TYW5: variants seen among roughly 807,000 people sequenced by gnomAD.
The protein encoded by TYW5 is tRNA-yW synthesizing protein 5.
In TYW5, 36 loss-of-function variants were observed where a neutral mutation model predicts 44.4. The ratio of observed to expected loss-of-function variants is 0.81; its 90% confidence interval spans 0.62 to 1.07. The LOEUF is 1.07. Among genes scored for constraint, TYW5 ranks in the 50% least tolerant of loss-of-function variants. The pLI is 0.00. For synonymous variants in TYW5, 121 were observed against 128.1 expected (o/e 0.94, Z 0.37); for missense variants, 354 against 365.7 (o/e 0.97, Z 0.26).
chr2:199,931,073 C>T lies in TYW5; in HGVS notation c.*1994G>A, dbSNP rs1357510282. On this transcript the variant is annotated 3_prime_UTR_variant, in exon 8 of 8. Coordinates refer to ENST00000354611, the MANE Select transcript of TYW5 (RefSeq NM_001039693.3). Reference sequence around the variant, plus strand: ...GACCAGGGAAATAATTTTAAAACATCCCAAAGGAAAGTTCTCTAACTTTTA... The same window carrying T: ...GACCAGGGAAATAATTTTAAAACATTCCAAAGGAAAGTTCTCTAACTTTTA... 6.6e-6 allele frequency: 1 copy of T among 152,030 alleles called. No individual in the cohort carries two copies. The highest frequency in any genetic ancestry group is 6.6e-5 in the Admixed American group (1 of 15,254). The allele number at this position is 152,030 out of a possible 1,614,324, so 9.4% of individuals were successfully genotyped here. A position where few individuals can be genotyped will look rare whatever the true frequency, so the allele number is the denominator to read the frequency against.
At chr2:199,940,058 T>C in intron 4 of TYW5, 31 bp downstream of exon 4, 1 of 1,600,960 alleles carries the variant, frequency 6.2e-7, no homozygotes, top group Non-Finnish European at 8.5e-7. Context: ...ATTTAGATTT[T>C]AGGGAATTGT....
intron 3 of TYW5, 84 bp from the exon 4 acceptor site, chr2:199,940,217 T>C: frequency 8.3e-7 from 1 of 1,201,454 alleles, no homozygotes; most frequent in Non-Finnish European, 1.2e-6. Context: ...AGCTATCATG[T>C]ATTCATAATA....
At chr2:199,950,676 G>A (rs909669622) in intron 1 of TYW5, among the ~76,000 whole-genome samples, 3 of 152,106 alleles carry the variant, frequency 2.0e-5, no homozygotes, top group South Asian at 2.1e-4. Flanking sequence ...GTGCACGTGC[G>A]CGTGCCCTGA....
At chr2:199,945,267 A>G (rs2077495362) in intron 2 of TYW5, 1 of 152,184 alleles carries the variant, frequency 6.6e-6, no homozygotes, top group Non-Finnish European at 1.5e-5. Flanking sequence ...CTGGATTTGT[A>G]TAAAGACTCC....
rs928555125 is a variant in TYW5 at position 199,931,177 on chromosome 2, T to C, written c.*1890A>G. On this transcript the variant is annotated 3_prime_UTR_variant, in exon 8 of 8. Coordinates refer to ENST00000354611, the MANE Select transcript of TYW5 (RefSeq NM_001039693.3). ...ATGGAATATAATTAAATAGAAGAAC[T>C]AGCACCAGTTATCAACTATGTGCCT... 3.9e-5 allele frequency: 6 copies of C among 152,172 alleles called. No homozygotes were observed. Among genetic ancestry groups the C allele is most frequent in the Non-Finnish European group, 7.4e-5 (5 of 68,020 alleles). The allele number at this position is 152,172 out of a possible 1,614,324, so 9.4% of individuals were successfully genotyped here.
intron 2 of TYW5, chr2:199,945,505 A>T (rs879723258): frequency 2.0e-5 from 3 of 152,242 alleles, no homozygotes; most frequent in African/African-American, 7.2e-5. Flanking sequence ...ATAGTGTCTG[A>T]CTAACTAATA....
chr2:199,942,329 T>C (rs1048858778), intron 3 of TYW5: 1 of 152,176 alleles, frequency 6.6e-6, no homozygotes, highest in African/African-American at 2.4e-5. Context: ...CGCCTCCCAA[T>C]GTGCTGGGAT....
Position 199,933,242 on chromosome 2 carries a change from T to C in TYW5, c.773A>G (p.Tyr258Cys), listed in dbSNP as rs200376992. The change falls in exon 8 of 8, where the codon TAT becomes TGT. Residue 258 changes from tyrosine to cysteine, a missense_variant. Physicochemically the swap from Tyr to Cys is radical, Grantham distance 194. Coordinates refer to ENST00000354611, the MANE Select transcript of TYW5 (RefSeq NM_001039693.3). ...IFWKHLPSEC[Y>C]DKTDTYGNKD... ...GTTTCCATAGGTATCTGTTTTATCATAGCATTCAGATGGAAGGTGCTTCCA... is the reference window on the plus strand; with the variant it reads ...GTTTCCATAGGTATCTGTTTTATCACAGCATTCAGATGGAAGGTGCTTCCA... 5.5e-5 allele frequency: 88 copies of C among 1,614,096 alleles called. 1 individual carries two copies. The African/African-American group carries it at 6.5e-4, about 12-fold the overall frequency.
At chr2:199,938,411 A>G (rs1264411321) in intron 5 of TYW5, among the ~76,000 whole-genome samples, 1 of 152,182 alleles carries the variant, frequency 6.6e-6, no homozygotes, top group Non-Finnish European at 1.5e-5. Flanking sequence ...CAAATACAGC[A>G]GATATTTGAC....
At chr2:199,943,699 T>C (rs1395636041) in intron 3 of TYW5, 66 bp downstream of exon 3, 1 of 1,317,266 alleles carries the variant, frequency 7.6e-7, no homozygotes, top group Non-Finnish European at 1.1e-6. Flanking sequence ...TACTATTCTT[T>C]CATAAGAAAA....
chr2:199,936,927 T>C (rs533617511), intron 5 of TYW5, among the ~76,000 whole-genome samples: 4 of 152,312 alleles, frequency 2.6e-5, no homozygotes, highest in African/African-American at 7.2e-5. Context: ...TCTTAATATA[T>C]GTTCAACCAT....
intron 5 of TYW5, among the ~76,000 whole-genome samples, chr2:199,937,876 A>G (rs186773650): frequency 6.6e-6 from 1 of 152,068 alleles, no homozygotes; most frequent in African/African-American, 2.4e-5. Flanking sequence ...ATAAAATGTT[A>G]TACTGTGATT....
chr2:199,928,965 T>C lies in TYW5; in HGVS notation c.*4102A>G, dbSNP rs1405582212. On this transcript the variant is annotated 3_prime_UTR_variant, in exon 8 of 8. Transcript: ENST00000354611. The stretch of plus-strand genomic sequence containing the variant: ...ATCTTATGAGGTAAAATACAAAAGG[T>C]AGTATTCATAAAAGAGCTATTTTGT... Among the ~76,000 whole-genome samples the C allele has an allele frequency of 6.6e-6, 1 of 152,136 alleles. No individual in the cohort carries two copies. Among genetic ancestry groups the C allele is most frequent in the Non-Finnish European group, 1.5e-5 (1 of 68,010 alleles).
chr2:199,948,525 A>G (rs1351816647), intron 1 of TYW5, 53 bp from the exon 2 acceptor site: 1 of 1,593,074 alleles, frequency 6.3e-7, no homozygotes, highest in Admixed American at 1.7e-5. Context: ...ACAACACATC[A>G]AGAGCTGTAT....
chr2:199,930,419 C>T lies in TYW5; in HGVS notation c.*2648G>A, dbSNP rs1013011448. On this transcript the variant is annotated 3_prime_UTR_variant, in exon 8 of 8. Coordinates refer to ENST00000354611, the MANE Select transcript of TYW5 (RefSeq NM_001039693.3). ...AATAAGATGTTCACACACCACATAC[C>T]TTGTTTTACACAAATGGCAGTACAG... is the stretch of plus-strand genomic sequence containing the variant. 1 of 152,138 alleles carries T rather than the reference C, an allele frequency of 6.6e-6. No individual in the cohort carries two copies. The highest frequency in any genetic ancestry group is 1.9e-4 in the East Asian group (1 of 5,198). The allele number at this position is 152,138 out of a possible 1,614,324, so 9.4% of individuals were successfully genotyped here.
chr2:199,936,412 A>G lies in TYW5; in HGVS notation c.567T>C (p.Tyr189=). The G allele has an allele frequency of 1.2e-6, 2 of 1,610,942 alleles. No individual in the cohort carries two copies. Among genetic ancestry groups the G allele is most frequent in the Non-Finnish European group, 1.7e-6 (2 of 1,179,060 alleles). ...LFSPRDAQYL[Y]LKGTKSEVLN... ...TTAAAAAAAATCCCATACCTTTTAA[A>G]TATAAATACTGGGCATCTCGAGGAC... Residue 189 remains tyrosine (Y), a synonymous_variant, in exon 6 of 8, where the codon TAT becomes TAC. Coordinates refer to ENST00000354611, the MANE Select transcript of TYW5 (RefSeq NM_001039693.3).
chr2:199,952,716 T>C (rs1393831839), intron 1 of TYW5, among the ~76,000 whole-genome samples: 1 of 152,246 alleles, frequency 6.6e-6, no homozygotes, highest in Non-Finnish European at 1.5e-5. Context: ...TAGCTAGAAA[T>C]GCCTTCCATA....
rs142827455 is a variant in TYW5, at chr2:199,933,075, A to C, written c.940T>G (p.Ser314Ala). Residue 314 changes from serine to alanine, a missense_variant, in exon 8 of 8, where the codon TCT becomes GCT. Transcript: ENST00000354611. The part of the protein sequence containing the change: ...HIQDKAYSKN[S>A]E Reference sequence around the variant, plus strand: ...TGCATTCACTTCATTATTTACTCAGAGTTCTTGCTGTAGGCTTTGTCTTGA... The same window carrying C: ...TGCATTCACTTCATTATTTACTCAGCGTTCTTGCTGTAGGCTTTGTCTTGA... 13 of 1,613,784 alleles carry C rather than the reference A, an allele frequency of 8.1e-6. No homozygotes were observed. In the East Asian group the frequency reaches 2.5e-4, roughly 30 times the overall value.
intron 1 of TYW5, among the ~76,000 whole-genome samples, chr2:199,948,898 A>G (rs1346640900): frequency 2.0e-5 from 3 of 152,356 alleles, no homozygotes; most frequent in Non-Finnish European, 2.9e-5. Flanking sequence ...AGAGAAGGAC[A>G]TATTATTATT....
Sources: gnomAD v4.1 joint callset for allele counts (sites outside exome capture counted in the v4.1 genomes callset) on GRCh38, gnomAD v4.1.1 for gene constraint, MANE v1.5 for transcripts, NCBI Gene and HGNC (gene_info 2026-07-23, HGNC 2026-07-21) for gene names.